KLF7: variants seen among roughly 807,000 people sequenced by gnomAD.
The protein encoded by KLF7 is Krueppel-like factor 7.
KLF7 carries 2 observed loss-of-function variants against 27.3 expected under a neutral mutation model. The observed-to-expected ratio is 0.07, with a 90% CI of 0.03 to 0.23. The LOEUF is 0.23. Among genes scored for constraint, KLF7 ranks in the 10% least tolerant of loss-of-function variants. The probability of loss-of-function intolerance (pLI) is 1.00; values close to 1 mark genes in which losing one functional copy is unlikely to be tolerated. For missense variants in KLF7, 221 were observed against 394.1 expected (o/e 0.56, Z 3.72); for synonymous variants, 165 against 162.4 (o/e 1.02, Z -0.12).
chr2:207,115,696 G>A (rs1254939098), intron 2 of KLF7, among the ~76,000 whole-genome samples: 1 of 152,156 alleles, frequency 6.6e-6, no homozygotes, highest in Non-Finnish European at 1.5e-5. Flanking sequence ...TGGTGCTGGA[G>A]TAAAGTGGGG....
chr2:207,122,555 T>C (rs1006369230), intron 2 of KLF7, among the ~76,000 whole-genome samples: 3 of 152,116 alleles, frequency 2.0e-5, no homozygotes, highest in South Asian at 2.1e-4. Context: ...GTTCAACAGA[T>C]GTGGAAAATG....
chr2:207,096,850 A>C (rs183075480), intron 2 of KLF7, among the ~76,000 whole-genome samples: 94 of 152,354 alleles, frequency 6.2e-4, no homozygotes, highest in African/African-American at 2.1e-3. Flanking sequence ...ATTAAGAAAC[A>C]CAAAATAATA....
chr2:207,104,799 A>G (rs1223095146), intron 2 of KLF7, among the ~76,000 whole-genome samples: 2 of 152,264 alleles, frequency 1.3e-5, no homozygotes, highest in African/African-American at 4.8e-5. Flanking sequence ...ATCAATGCTC[A>G]TATTCCCTTT....
intron 1 of KLF7, among the ~76,000 whole-genome samples, chr2:207,153,912 C>A (rs929766851): frequency 6.6e-6 from 1 of 152,174 alleles, no homozygotes. Flanking sequence ...GGGCTGGCAT[C>A]TCTGAAATAA....
intron 1 of KLF7, 43 bp downstream of exon 1, chr2:207,165,395 AGCCCACACCAACGCAGCCCCTGCGTCTCC>A: frequency 6.2e-7 from 1 of 1,603,702 alleles, no homozygotes. Context: ...TTCAACCCAG[AGCCCACACCAACGCAGCCCCTGCGTCTCC>A]GCCGCCACCA....
chr2:207,144,435 C>T (rs1236071773), intron 1 of KLF7, among the ~76,000 whole-genome samples: 1 of 152,150 alleles, frequency 6.6e-6, no homozygotes, highest in African/African-American at 2.4e-5. Flanking sequence ...TTCACCAGAA[C>T]GAAATAATAG....
intron 2 of KLF7, among the ~76,000 whole-genome samples, chr2:207,109,509 T>C (rs1258515168): frequency 2.6e-5 from 4 of 152,118 alleles, no homozygotes; most frequent in East Asian, 1.9e-4. Flanking sequence ...ATTTGTACAA[T>C]GGGTATAATG....
intron 2 of KLF7, among the ~76,000 whole-genome samples, chr2:207,095,343 C>T (rs974049772): frequency 3.3e-5 from 5 of 152,102 alleles, no homozygotes; most frequent in African/African-American, 7.2e-5. Context: ...CCACCACGCC[C>T]GGCCTGTTTT....
At chr2:207,148,122 T>C (rs1332521328) in intron 1 of KLF7, among the ~76,000 whole-genome samples, 1 of 152,242 alleles carries the variant, frequency 6.6e-6, no homozygotes, top group East Asian at 1.9e-4. Context: ...AAGCATTTTA[T>C]GGCAACACTT....
chr2:207,112,796 A>C (rs2077072060), intron 2 of KLF7, among the ~76,000 whole-genome samples: 1 of 152,234 alleles, frequency 6.6e-6, no homozygotes, highest in African/African-American at 2.4e-5. Flanking sequence ...CAATATATAA[A>C]GTAATTACCT....
At chr2:207,151,969 T>A (rs886394835) in intron 1 of KLF7, among the ~76,000 whole-genome samples, 2 of 152,130 alleles carry the variant, frequency 1.3e-5, no homozygotes, top group African/African-American at 4.8e-5. Context: ...AAGAAAACAC[T>A]TTTTAAAAAC....
In KLF7 at chr2:207,096,195, G is replaced by C. The variant is rs529084971; in HGVS notation, c.734-7614C>G. 6.4e-4 allele frequency among the ~76,000 whole-genome samples: 97 copies of C among 152,290 alleles called. 1 individual carries two copies. Among genetic ancestry groups the C allele is most frequent in the African/African-American group, 2.3e-3 (94 of 41,568 alleles). On this transcript the variant is annotated intron_variant, in intron 2 of 3. Transcript: ENST00000309446. Reference sequence around the variant, plus strand: ...ACTGTGAGAAAGCTAGGGGAGGAAGGACTCAGTAAACAAGTCCAAGTACTC... The same window carrying C: ...ACTGTGAGAAAGCTAGGGGAGGAAGCACTCAGTAAACAAGTCCAAGTACTC...
chr2:207,112,339 G>A (rs921878691), intron 2 of KLF7, among the ~76,000 whole-genome samples: 8 of 151,994 alleles, frequency 5.3e-5, no homozygotes, highest in African/African-American at 1.5e-4. Context: ...ATCTTCTCGC[G>A]ATCACCTAGC....
At chr2:207,121,605 G>A (rs1023241212) in intron 2 of KLF7, 3 of 152,174 alleles carry the variant, frequency 2.0e-5, no homozygotes, top group Non-Finnish European at 4.4e-5. Context: ...AGTGCTCTGC[G>A]ATACTGCTTT....
chr2:207,163,418 G>C (rs2078606005), intron 1 of KLF7, among the ~76,000 whole-genome samples: 1 of 152,188 alleles, frequency 6.6e-6, no homozygotes, highest in African/African-American at 2.4e-5. Flanking sequence ...GAGGAGCAGG[G>C]GGAGGAGGGG....
At chr2:207,165,366 C>CAAAA in intron 1 of KLF7, 101 bp downstream of exon 1, 1 of 1,520,084 alleles carries the variant, frequency 6.6e-7, no homozygotes, top group Non-Finnish European at 8.9e-7. Flanking sequence ...AAAAAAAAGT[C>CAAAA]AAACAAACAA....
chr2:207,143,206 C>A (rs1396578197), intron 1 of KLF7, among the ~76,000 whole-genome samples: 2 of 152,062 alleles, frequency 1.3e-5, no homozygotes, highest in Non-Finnish European at 2.9e-5. Context: ...GGATTAAGCA[C>A]AGAATTAAAC....
At chr2:207,133,443 C>T (rs1197612737) in intron 1 of KLF7, among the ~76,000 whole-genome samples, 5 of 152,202 alleles carry the variant, frequency 3.3e-5, no homozygotes, top group African/African-American at 7.2e-5. Context: ...GGCAACCAGT[C>T]GGTCCCTGCT....
rs758251787 is a variant in KLF7 at position 207,123,940 on chromosome 2, C to A, written c.567G>T (p.Thr189=). 3.1e-6 allele frequency: 5 copies of A among 1,614,052 alleles called. No individual in the cohort carries two copies. The African/African-American group carries it at 6.7e-5, about 22-fold the overall frequency. Residue 189 remains threonine, a synonymous_variant, in exon 2 of 4, where the codon ACG becomes ACT. Transcript: ENST00000309446. ...GTCCACTCTTAACGGCCCCCGCAGC[C>A]GTCACGGCTGCTGCAGCTGTTGCGA... The part of the protein sequence containing the change: ...GGVATAAAAV[T]AAGAVKSGQS...
Sources: allele counts gnomAD v4.1 joint callset (sites outside exome capture counted in the v4.1 genomes callset), GRCh38; gene constraint gnomAD v4.1.1; transcripts MANE v1.5; gene names NCBI Gene and HGNC (gene_info 2026-07-23, HGNC 2026-07-21).